The following SCGN variants were observed in gnomAD, a reference collection of about 807,000 sequenced individuals.
SCGN encodes secretagogin.
SCGN carries 30 observed loss-of-function variants against 39.7 expected under a neutral mutation model. That is an observed-to-expected ratio of 0.76 (90% CI 0.57 to 1.03). The LOEUF (loss-of-function observed/expected upper bound fraction) is 1.03. SCGN is among the 50% of genes least tolerant of loss of function. The pLI, the probability that SCGN is intolerant of heterozygous loss-of-function variation, is 0.00. For synonymous variants in SCGN, 106 were observed against 114.1 expected, an observed-to-expected ratio of 0.93 and a Z score of 0.45; for missense variants, 353 against 349.4, an observed-to-expected ratio of 1.01 and a Z score of -0.08.
rs142805694 is a variant in SCGN, at chr6:25,652,852, TCA to T, written c.82+369_82+370del. 8.5e-3 allele frequency among the ~76,000 whole-genome samples: 1,299 copies of T among 152,266 alleles called. 19 individuals carry two copies. The highest frequency in any genetic ancestry group is 0.028 in the African/African-American group (1,176 of 41,550). On this transcript the variant is annotated intron_variant, in intron 1 of 10. Transcript: ENST00000377961. Reference sequence around the variant, plus strand: ...TGAAGTCATCCTTCCCTAAATGGGCTCACTTTTACGCAGTGACTTTGCTGTAC... The same window carrying T: ...TGAAGTCATCCTTCCCTAAATGGGCTCTTTTACGCAGTGACTTTGCTGTAC...
Position 25,661,652 on chromosome 6 carries a change from T to C in SCGN, c.246+8T>C, listed in dbSNP as rs369886903. Reference sequence around the variant, plus strand: ...CGCATTCGGATGAAAGAGGTAACTTTACTGACAGTATTTTTCATGGCTCTA... The same window carrying C: ...CGCATTCGGATGAAAGAGGTAACTTCACTGACAGTATTTTTCATGGCTCTA... On this transcript the variant is annotated splice_region_variant and intron_variant, in intron 3 of 10. Coordinates refer to ENST00000377961, the MANE Select transcript of SCGN (RefSeq NM_006998.4). 19 of 1,585,256 alleles carry C rather than the reference T, an allele frequency of 1.2e-5. No homozygotes were observed. The highest frequency in any genetic ancestry group is 1.4e-5 in the Non-Finnish European group (16 of 1,154,090).
At chr6:25,661,448 T>C (rs1362895530) in intron 2 of SCGN, 104 bp from the exon 3 acceptor site, 14 of 801,402 alleles carry the variant, frequency 1.7e-5, no homozygotes, top group Admixed American at 1.5e-4. Flanking sequence ...CTTTCCATGT[T>C]TGAAAAACAT....
chr6:25,669,933 C>A, intron 5 of SCGN, 66 bp from the exon 6 acceptor site: 2 of 1,204,868 alleles, frequency 1.7e-6, no homozygotes, highest in South Asian at 2.5e-5. Context: ...TGAAATAAGG[C>A]CTTTTAAGAC....
At chr6:25,656,786 C>T (rs1267169550) in intron 2 of SCGN, among the ~76,000 whole-genome samples, 2 of 152,134 alleles carry the variant, frequency 1.3e-5, no homozygotes, top group African/African-American at 4.8e-5. Flanking sequence ...ATTCTGTGTC[C>T]TCAAACTAAA....
Position 25,701,218 on chromosome 6 carries a change from C to T in SCGN, c.714C>T (p.Ser238=), listed in dbSNP as rs757773066. ...TTTGTCGCCCTCAGCCCAGCATCAG[C>T]GGGGTGGACCTTGATAAGTTCCGCG... ...DMMELVQPSI[S]GVDLDKFREI... Residue 238 remains serine (S), a synonymous_variant, in exon 11 of 11, where the codon AGC becomes AGT. Transcript: ENST00000377961. 6.8e-6 allele frequency: 11 copies of T among 1,610,982 alleles called. No homozygotes were observed. The highest frequency in any genetic ancestry group is 3.4e-5 in the Admixed American group (2 of 59,640).
chr6:25,688,574 G>A (rs1399954739), intron 7 of SCGN, among the ~76,000 whole-genome samples: 1 of 152,094 alleles, frequency 6.6e-6, no homozygotes, highest in Non-Finnish European at 1.5e-5. Flanking sequence ...GGCCGAGCCC[G>A]GCGGATCACG....
At chr6:25,681,468 G>A (rs954911473) in intron 6 of SCGN, among the ~76,000 whole-genome samples, 1 of 152,200 alleles carries the variant, frequency 6.6e-6, no homozygotes, top group Middle Eastern at 3.2e-3. Flanking sequence ...AGTCGTTGCT[G>A]CTATCCTCCA....
chr6:25,701,252 C>G lies in SCGN; in HGVS notation c.748C>G (p.Leu250Val). 1 of 1,613,632 alleles carries G rather than the reference C, an allele frequency of 6.2e-7. No homozygotes were observed. Among genetic ancestry groups the G allele is most frequent in the Non-Finnish European group, 8.5e-7 (1 of 1,179,822 alleles). Residue 250 changes from leucine to valine, a missense_variant, in exon 11 of 11, where the codon CTG becomes GTG. Coordinates refer to ENST00000377961, the MANE Select transcript of SCGN (RefSeq NM_006998.4). The part of the protein sequence containing the change: ...VDLDKFREIL[L>V]RHCDVNKDGK... ...CCTTGATAAGTTCCGCGAGATTCTC[C>G]TGCGTCACTGCGACGTGAACAAGGA... is the stretch of plus-strand genomic sequence containing the variant.
chr6:25,698,788 T>C (rs577943359), intron 10 of SCGN, among the ~76,000 whole-genome samples: 1 of 152,352 alleles, frequency 6.6e-6, no homozygotes, highest in South Asian at 2.1e-4. Flanking sequence ...TATCTTCTGG[T>C]CCCAGACTTT....
intron 3 of SCGN, among the ~76,000 whole-genome samples, chr6:25,663,650 G>T (rs1438599528): frequency 6.6e-6 from 1 of 152,148 alleles, no homozygotes; most frequent in Non-Finnish European, 1.5e-5. Context: ...TAATGGAGAA[G>T]AAATTTAATT....
At chr6:25,671,627 G>A (rs1365844530) in intron 6 of SCGN, among the ~76,000 whole-genome samples, 2 of 152,186 alleles carry the variant, frequency 1.3e-5, no homozygotes, top group East Asian at 3.9e-4. Context: ...GAGTAAATAT[G>A]TGCTCAGCAC....
rs1487490883 is a variant in SCGN at position 25,691,060 on chromosome 6, A to G, written c.638A>G (p.Lys213Arg). 2.5e-6 allele frequency: 4 copies of G among 1,613,338 alleles called. No individual in the cohort carries two copies. Among genetic ancestry groups the G allele is most frequent in the Non-Finnish European group, 3.4e-6 (4 of 1,179,528 alleles). The change falls in exon 10 of 11, where the codon AAA becomes AGA. Residue 213 changes from lysine to arginine, a missense_variant. Physicochemically the swap from Lys to Arg is conservative, Grantham distance 26. Coordinates refer to ENST00000377961, the MANE Select transcript of SCGN (RefSeq NM_006998.4). ...ATTGGATCTTTTCTTTTTCAGAGTA[A>G]AACAGGAGCCCTGGAAGGCCCAGAA... The part of the protein sequence containing the change: ...EKIFAYYDVS[K>R]TGALEGPEVD...
At chr6:25,667,864 A>G (rs1030249383) in intron 4 of SCGN, among the ~76,000 whole-genome samples, 16 of 152,222 alleles carry the variant, frequency 1.1e-4, no homozygotes, top group Non-Finnish European at 8.8e-5. Flanking sequence ...ATTTAAATGG[A>G]AATTGATTGG....
At chr6:25,658,894 T>C (rs1760283263) in intron 2 of SCGN, among the ~76,000 whole-genome samples, 1 of 152,236 alleles carries the variant, frequency 6.6e-6, no homozygotes, top group African/African-American at 2.4e-5. Context: ...AACTACTGAC[T>C]GACATGAAAC....
chr6:25,691,255 C>T (rs1356639302), intron 10 of SCGN, 131 bp downstream of exon 10: 6 of 648,452 alleles, frequency 9.3e-6, no homozygotes, highest in East Asian at 2.8e-5. Context: ...TATTTAATAA[C>T]CTTTGAATTG....
chr6:25,667,172 A>G (rs1032597739), intron 4 of SCGN, among the ~76,000 whole-genome samples: 6 of 152,214 alleles, frequency 3.9e-5, no homozygotes, highest in Non-Finnish European at 8.8e-5. Flanking sequence ...TCATGAATAT[A>G]GAAAAATAGT....
rs751987208 is a variant in SCGN, at chr6:25,652,484, T to C, written c.81T>C (p.Asp27=). Residue 27 remains aspartate, a splice_region_variant and synonymous_variant, in exon 1 of 11, where the codon GAT becomes GAC. Coordinates refer to ENST00000377961, the MANE Select transcript of SCGN (RefSeq NM_006998.4). ...AGGTCTGGCAGCGCTTTGATGCGGA[T>C]GGTGAGTAGAACAAGCCACTTGCAC... is the stretch of plus-strand genomic sequence containing the variant. ...FWQVWQRFDA[D]EKGYIEEKEL... 2.5e-6 allele frequency: 4 copies of C among 1,613,846 alleles called. No homozygotes were observed.
chr6:25,677,536 A>T (rs970186604), intron 6 of SCGN, among the ~76,000 whole-genome samples: 9 of 152,160 alleles, frequency 5.9e-5, no homozygotes, highest in East Asian at 3.8e-4. Context: ...AAGTTTTTTT[A>T]AAAAAATAAC....
chr6:25,693,036 A>G (rs1759791529), intron 10 of SCGN, among the ~76,000 whole-genome samples: 1 of 152,184 alleles, frequency 6.6e-6, no homozygotes, highest in Admixed American at 6.5e-5. Context: ...CTTCTCATCC[A>G]TTATATGGGC....
Sources: allele counts gnomAD v4.1 joint callset (sites outside exome capture counted in the v4.1 genomes callset), GRCh38; gene constraint gnomAD v4.1.1; transcripts MANE v1.5; gene names NCBI Gene and HGNC (gene_info 2026-07-23, HGNC 2026-07-21).